The following CENPP variants were observed in gnomAD, a reference collection of about 807,000 sequenced individuals.
CENPP encodes centromere protein P.
CENPP carries 24 observed loss-of-function variants against 35.6 expected under a neutral mutation model. That is an observed-to-expected ratio of 0.67 (90% confidence interval 0.49 to 0.95). CENPP has a LOEUF of 0.95. Ranked by LOEUF, CENPP falls within the 40% of genes least tolerant of loss-of-function variation. The pLI is 0.00. For missense variants in CENPP, 332 were observed against 345.3 expected (o/e 0.96, Z 0.31); for synonymous variants, 120 against 125.5 (o/e 0.96, Z 0.29).
intron 4 of CENPP, among the ~76,000 whole-genome samples, chr9:92,375,366 C>T (rs926748363): frequency 2.0e-5 from 3 of 151,944 alleles, no homozygotes; most frequent in Admixed American, 6.6e-5. Flanking sequence ...AATCTCAGTT[C>T]GCTGCAACCT....
Position 92,618,952 on chromosome 9 carries a change from C to A in CENPP, c.*5803C>A, listed in dbSNP as rs997704943. The A allele has an allele frequency of 1.5e-5, 4 of 271,676 alleles. No individual in the cohort carries two copies. Among genetic ancestry groups the A allele is most frequent in the Non-Finnish European group, 2.9e-5 (4 of 139,264 alleles). 16.8% of individuals were successfully genotyped at this position (271,676 alleles called of 1,614,324 possible). On this transcript the variant is annotated 3_prime_UTR_variant, in exon 8 of 8. Transcript: ENST00000375587. ...GACTATGAGATTATCAGTTTCATCCCGAATTCCCAGAAACAGAGGGGACTG... is the reference window on the plus strand; with the variant it reads ...GACTATGAGATTATCAGTTTCATCCAGAATTCCCAGAAACAGAGGGGACTG...
rs572830262 is a variant in CENPP at position 92,545,279 on chromosome 9, T to C, written c.565-66035T>C. 2.0e-5 allele frequency among the ~76,000 whole-genome samples: 3 copies of C among 151,118 alleles called. No homozygotes were observed. The South Asian group carries it at 6.3e-4, about 32-fold the overall frequency. ...TTTAGGGGAGGTGTGGAGAGAGAGG[T>C]ACGGGCGGGAACCAGGGCTGCGTGT... On this transcript the variant is annotated intron_variant, in intron 5 of 7. Transcript: ENST00000375587.
At position 92,615,756 on chromosome 9, in the gene CENPP, C is replaced by A. The variant is rs1321929916; in HGVS notation, c.*2607C>A. 1.6e-6 allele frequency: 2 copies of A among 1,247,248 alleles called. No individual in the cohort carries two copies. Among genetic ancestry groups the A allele is most frequent in the Non-Finnish European group, 2.3e-6 (2 of 862,760 alleles). The allele number at this position is 1,247,248 out of a possible 1,614,324, so 77.3% of individuals were successfully genotyped here. A position where few individuals can be genotyped will look rare whatever the true frequency, so the allele number is the denominator to read the frequency against. On this transcript the variant is annotated 3_prime_UTR_variant, in exon 8 of 8. Coordinates refer to ENST00000375587, the MANE Select transcript of CENPP (RefSeq NM_001012267.3). ...AAAAACATTCACAACCAAAGGTCAC[C>A]CAACACAACAGAAAATATCTCTATC...
rs533637556 is a variant in CENPP at position 92,400,453 on chromosome 9, A to T, written c.564+20594A>T. ...CGTGAGCCACCACGCCCAGCCTGGG[A>T]TGTCTTTAAATTTATTCAAATCTAT... On this transcript the variant is annotated intron_variant, in intron 5 of 7. Coordinates refer to ENST00000375587, the MANE Select transcript of CENPP (RefSeq NM_001012267.3). Among the ~76,000 whole-genome samples the T allele has an allele frequency of 2.6e-5, 4 of 152,236 alleles. No homozygotes were observed. The East Asian group carries it at 7.7e-4, about 29-fold the overall frequency.
chr9:92,474,774 C>CATG, intron 5 of CENPP: 1 of 1,612,976 alleles, frequency 6.2e-7, no homozygotes, highest in Non-Finnish European at 8.5e-7. Context: ...TCATCATCAT[C>CATG]ATCATCATCA....
At chr9:92,447,559 T>C (rs1358766601) in intron 5 of CENPP, among the ~76,000 whole-genome samples, 1 of 152,194 alleles carries the variant, frequency 6.6e-6, no homozygotes, top group African/African-American at 2.4e-5. Flanking sequence ...CACCTCCTGC[T>C]GTGTATTTCA....
At chr9:92,444,886 C>T (rs546073709) in intron 5 of CENPP, among the ~76,000 whole-genome samples, 6 of 152,136 alleles carry the variant, frequency 3.9e-5, no homozygotes, top group East Asian at 1.9e-4. Context: ...AGTTACCTGG[C>T]GGCTGTACTG....
chr9:92,353,065 C>A (rs752440161), intron 4 of CENPP, among the ~76,000 whole-genome samples: 3 of 152,090 alleles, frequency 2.0e-5, no homozygotes, highest in Non-Finnish European at 4.4e-5. Flanking sequence ...CAATCCCCAA[C>A]CCAAATACTA....
chr9:92,428,314 G>A (rs1306709292), intron 5 of CENPP, among the ~76,000 whole-genome samples: 1 of 152,096 alleles, frequency 6.6e-6, no homozygotes, highest in Non-Finnish European at 1.5e-5. Context: ...CTCAAGTGTG[G>A]CCGGAGGTCC....
At chr9:92,378,282 TG>T (rs1384205450) in intron 4 of CENPP, among the ~76,000 whole-genome samples, 3 of 152,160 alleles carry the variant, frequency 2.0e-5, no homozygotes, top group Admixed American at 6.5e-5. Context: ...TTTTTGGCAT[TG>T]GGGTTCCCTT....
chr9:92,361,217 T>G (rs1040276937), intron 4 of CENPP, among the ~76,000 whole-genome samples: 2 of 151,700 alleles, frequency 1.3e-5, no homozygotes, highest in African/African-American at 2.4e-5. Flanking sequence ...CTTGGTTCAC[T>G]GCAACCTCTG....
intron 5 of CENPP, chr9:92,517,856 C>A: frequency 6.2e-7 from 1 of 1,614,124 alleles, no homozygotes; most frequent in African/African-American, 1.3e-5. Context: ...TGCCCTTTAC[C>A]AAACAGTGTC....
intron 5 of CENPP, among the ~76,000 whole-genome samples, chr9:92,546,730 C>T (rs994315562): frequency 2.0e-5 from 3 of 152,190 alleles, no homozygotes; most frequent in Non-Finnish European, 4.4e-5. Flanking sequence ...AGCAGTTCTG[C>T]ACACAATACT....
chr9:92,485,124 T>A (rs1384548435), intron 5 of CENPP, among the ~76,000 whole-genome samples: 1 of 152,200 alleles, frequency 6.6e-6, no homozygotes, highest in Non-Finnish European at 1.5e-5. Context: ...GGCACGAACG[T>A]GCCATCTGGG....
intron 5 of CENPP, chr9:92,385,803 G>A (rs1195071008): frequency 1.6e-5 from 25 of 1,612,838 alleles, no homozygotes; most frequent in Middle Eastern, 3.3e-4. Context: ...GAAAAAAAAC[G>A]AGGAAAACAT....
At chr9:92,495,663 C>T in intron 5 of CENPP, 1 of 892,142 alleles carries the variant, frequency 1.1e-6, no homozygotes, top group Non-Finnish European at 1.3e-6. Context: ...AGAATTTATG[C>T]ACACCCTTCT....
intron 4 of CENPP, among the ~76,000 whole-genome samples, chr9:92,366,670 C>A (rs1417526425): frequency 6.6e-6 from 1 of 151,982 alleles, no homozygotes; most frequent in African/African-American, 2.4e-5. Flanking sequence ...AAAAGTTATA[C>A]CTGGAAGGGA....
At chr9:92,515,244 T>C (rs1348083412) in intron 5 of CENPP, 5 of 1,439,870 alleles carry the variant, frequency 3.5e-6, no homozygotes, top group Non-Finnish European at 4.6e-6. Context: ...GATAAGTTGA[T>C]GATATTAATA....
intron 5 of CENPP, chr9:92,417,096 C>A: frequency 6.2e-7 from 1 of 1,613,778 alleles, no homozygotes; most frequent in East Asian, 2.2e-5. Context: ...AATGGAAATT[C>A]TTCTAAATTA....
Sources: allele counts gnomAD v4.1 joint callset (sites outside exome capture counted in the v4.1 genomes callset), GRCh38; gene constraint gnomAD v4.1.1; transcripts MANE v1.5; gene names NCBI Gene and HGNC (gene_info 2026-07-23, HGNC 2026-07-21).